Variants in SPRED1 observed in about 807,000 individuals in gnomAD.
SPRED1 encodes the protein sprouty related EVH1 domain containing 1.
Under a neutral mutation model 52.3 loss-of-function variants are expected in SPRED1, and 18 were observed. The ratio of observed to expected loss-of-function variants is 0.34; its 90% CI spans 0.24 to 0.51. The LOEUF (loss-of-function observed/expected upper bound fraction) is 0.51. Ranked by LOEUF, SPRED1 falls within the 20% of genes least tolerant of loss-of-function variation. The pLI is 0.97. For synonymous variants in SPRED1, 155 were observed against 179.7 expected, an observed-to-expected ratio of 0.86 and a Z score of 1.10; for missense variants, 485 against 551.0, an observed-to-expected ratio of 0.88 and a Z score of 1.20.
At chr15:38,303,660 G>A (rs193151706) in intron 2 of SPRED1, among the ~76,000 whole-genome samples, 1 of 151,974 alleles carries the variant, frequency 6.6e-6, no homozygotes, top group Admixed American at 6.6e-5. Flanking sequence ...TTTTTCTTTA[G>A]TTTATATAAT....
intron 1 of SPRED1, among the ~76,000 whole-genome samples, chr15:38,253,609 A>G (rs932316337): frequency 6.6e-6 from 1 of 152,126 alleles, no homozygotes; most frequent in Admixed American, 6.5e-5. Flanking sequence ...TTTCACTTGG[A>G]AACTAATGTG....
intron 1 of SPRED1, among the ~76,000 whole-genome samples, chr15:38,289,979 T>C: frequency 6.6e-6 from 1 of 152,240 alleles, no homozygotes; most frequent in East Asian, 1.9e-4. Flanking sequence ...GTTATCTTTG[T>C]CTTTATTGTT....
intron 2 of SPRED1, among the ~76,000 whole-genome samples, chr15:38,316,748 G>GTTT (rs1555390721): frequency 2.4e-4 from 10 of 41,884 alleles, no homozygotes; most frequent in Admixed American, 2.9e-4. Context: ...TCCATTATAT[G>GTTT]TTTTTTTTTT....
At chr15:38,312,376 C>T (rs1301998571) in intron 2 of SPRED1, among the ~76,000 whole-genome samples, 2 of 152,006 alleles carry the variant, frequency 1.3e-5, no homozygotes, top group Non-Finnish European at 2.9e-5. Context: ...CTGTGGGGAC[C>T]CAAGAAAAAG....
At chr15:38,278,270 C>T (rs759893534) in intron 1 of SPRED1, among the ~76,000 whole-genome samples, 2 of 152,014 alleles carry the variant, frequency 1.3e-5, no homozygotes, top group African/African-American at 2.4e-5. Flanking sequence ...TTGCTTGAGC[C>T]CAGGAGTTTG....
intron 2 of SPRED1, among the ~76,000 whole-genome samples, chr15:38,313,385 G>A (rs1895407698): frequency 6.6e-6 from 1 of 151,862 alleles, no homozygotes; most frequent in African/African-American, 2.4e-5. Flanking sequence ...TTTATAGAAT[G>A]TTTCTCAATT....
intron 1 of SPRED1, among the ~76,000 whole-genome samples, chr15:38,254,600 T>TAAAA (rs1236103288): frequency 6.6e-6 from 1 of 152,262 alleles, no homozygotes; most frequent in African/African-American, 2.4e-5. Context: ...TGTGTGTAGA[T>TAAAA]TTTTGAGTTC....
intron 1 of SPRED1, among the ~76,000 whole-genome samples, chr15:38,297,249 A>C (rs1895059509): frequency 6.6e-6 from 1 of 152,244 alleles, no homozygotes; most frequent in South Asian, 2.1e-4. Context: ...TACTATTCAA[A>C]TATGATCAGA....
intron 2 of SPRED1, among the ~76,000 whole-genome samples, chr15:38,314,935 T>A (rs974181289): frequency 2.0e-5 from 3 of 151,902 alleles, no homozygotes; most frequent in African/African-American, 4.8e-5. Flanking sequence ...CCATTGCTGT[T>A]TCTGTTACTT....
At chr15:38,340,995 A>ATTTTT (rs36150872) in intron 5 of SPRED1, among the ~76,000 whole-genome samples, 27,581 of 127,964 alleles carry the variant, frequency 0.22, 3,918 homozygotes, top group Admixed American at 0.3. Flanking sequence ...CTGGGCCTGG[A>ATTTTT]TTTTTTTTTT....
rs1234794284 is a variant in SPRED1, at chr15:38,355,107, C to G, written c.*3443C>G. ...AGTAGCTGGGATTACAGGCACCCAC[C>G]ACCATGCCCAGCTAAGTTTTGGTAT... On this transcript the variant is annotated 3_prime_UTR_variant, in exon 7 of 7. Coordinates refer to ENST00000299084, the MANE Select transcript of SPRED1 (RefSeq NM_152594.3). 1.3e-5 allele frequency: 2 copies of G among 152,418 alleles called. No individual in the cohort carries two copies. Among genetic ancestry groups the G allele is most frequent in the Non-Finnish European group, 2.9e-5 (2 of 68,254 alleles). 9.4% of individuals were successfully genotyped at this position (152,418 alleles called of 1,614,324 possible).
intron 2 of SPRED1, among the ~76,000 whole-genome samples, chr15:38,313,380 A>G (rs1050460655): frequency 6.6e-6 from 1 of 151,994 alleles, no homozygotes; most frequent in African/African-American, 2.4e-5. Context: ...GTTATTTTAT[A>G]GAATGTTTCT....
At chr15:38,324,843 A>G (rs368681912) in intron 4 of SPRED1, 34 bp downstream of exon 4, 433 of 1,562,270 alleles carry the variant, frequency 2.8e-4, no homozygotes, top group Non-Finnish European at 3.7e-4. Context: ...TTGTAAACAT[A>G]AAGGATGTGG....
chr15:38,320,469 T>G (rs1895579395), intron 2 of SPRED1, among the ~76,000 whole-genome samples: 1 of 151,668 alleles, frequency 6.6e-6, no homozygotes, highest in Non-Finnish European at 1.5e-5. Context: ...AACTAGGGAG[T>G]GGTCCAGTAA....
chr15:38,263,820 C>T (rs1173050022), intron 1 of SPRED1, among the ~76,000 whole-genome samples: 2 of 152,000 alleles, frequency 1.3e-5, no homozygotes, highest in African/African-American at 2.4e-5. Flanking sequence ...CTAAAAAAAA[C>T]GAATCACAAA....
At chr15:38,296,423 G>C (rs1000047143) in intron 1 of SPRED1, among the ~76,000 whole-genome samples, 1 of 152,126 alleles carries the variant, frequency 6.6e-6, no homozygotes, top group Admixed American at 6.6e-5. Context: ...TAGCTTTAGA[G>C]TTATTCTGGT....
At chr15:38,338,159 C>T (rs922368120) in intron 4 of SPRED1, among the ~76,000 whole-genome samples, 1 of 150,004 alleles carries the variant, frequency 6.7e-6, no homozygotes, top group African/African-American at 2.5e-5. Flanking sequence ...TGCAGTGAGC[C>T]GAGATTGCAT....
chr15:38,262,976 G>A (rs1215227926), intron 1 of SPRED1, among the ~76,000 whole-genome samples: 5 of 152,306 alleles, frequency 3.3e-5, no homozygotes, highest in Admixed American at 6.5e-5. Flanking sequence ...TCCAATTTGT[G>A]TAAAGCAGGG....
Position 38,351,775 on chromosome 15 carries a change from C to A in SPRED1, c.*111C>A. 2 of 1,312,222 alleles carry A rather than the reference C, an allele frequency of 1.5e-6. No individual in the cohort carries two copies. Among genetic ancestry groups the A allele is most frequent in the South Asian group, 1.3e-5 (1 of 79,406 alleles). The allele number at this position is 1,312,222 out of a possible 1,614,324, so 81.3% of individuals were successfully genotyped here. On this transcript the variant is annotated 3_prime_UTR_variant, in exon 7 of 7. Coordinates refer to ENST00000299084, the MANE Select transcript of SPRED1 (RefSeq NM_152594.3). ...TGGAATCTTGCCTGGTATCATTGAG[C>A]CCACACATGGAGGAAGCAGAACTCA... is the stretch of plus-strand genomic sequence containing the variant.
Sources: allele counts gnomAD v4.1 joint callset (sites outside exome capture counted in the v4.1 genomes callset), GRCh38; gene constraint gnomAD v4.1.1; transcripts MANE v1.5; gene names NCBI Gene and HGNC (gene_info 2026-07-23, HGNC 2026-07-21).